The following ST7 variants were observed in gnomAD, a reference collection of about 807,000 sequenced individuals.
ST7 encodes the protein suppression of tumorigenicity 7.
In ST7, 28 loss-of-function variants were observed where a neutral mutation model predicts 78.7. That is an observed-to-expected ratio of 0.36 (90% confidence interval 0.26 to 0.49). The LOEUF (loss-of-function observed/expected upper bound fraction) is 0.49. ST7 is among the 20% of genes least tolerant of loss of function. The pLI is 0.99. For synonymous variants in ST7, 247 were observed against 249.6 expected, an observed-to-expected ratio of 0.99 and a Z score of 0.10; for missense variants, 418 against 696.0, an observed-to-expected ratio of 0.60 and a Z score of 4.49.
chr7:117,153,557 A>G (rs983915826), intron 9 of ST7, among the ~76,000 whole-genome samples: 1 of 152,242 alleles, frequency 6.6e-6, no homozygotes, highest in South Asian at 2.1e-4. Flanking sequence ...CATGAAATCC[A>G]TAGCAACAGA....
intron 1 of ST7, among the ~76,000 whole-genome samples, chr7:116,989,457 T>C (rs994392031): frequency 6.6e-6 from 1 of 152,150 alleles, no homozygotes; most frequent in Non-Finnish European, 1.5e-5. Context: ...TGTTACCCCC[T>C]CTCTTTTAAA....
At chr7:117,066,705 G>A (rs536124586) in intron 1 of ST7, among the ~76,000 whole-genome samples, 18 of 147,754 alleles carry the variant, frequency 1.2e-4, no homozygotes, top group African/African-American at 4.5e-4. Flanking sequence ...AGATTGCAGT[G>A]AGCCGGGATC....
At chr7:117,167,550 C>G (rs1242108450) in intron 9 of ST7, among the ~76,000 whole-genome samples, 1 of 151,934 alleles carries the variant, frequency 6.6e-6, no homozygotes, top group Admixed American at 6.6e-5. Flanking sequence ...GTAAAACTGT[C>G]AGGAAGACAG....
chr7:117,190,727 T>C lies in ST7; in HGVS notation c.1152-107T>C, dbSNP rs1353393286. On this transcript the variant is annotated intron_variant, in intron 11 of 15. Transcript: ENST00000323984. This position sits in a 1 kb window ranked among gnomAD's most constrained non-coding sequence, Gnocchi z 5.2. ...ATGCAGTAGAAGTTTGGAGAGCTCA[T>C]GCTATTGGCTCACTGTGGTTTTATG... is the stretch of plus-strand genomic sequence containing the variant. 1.2e-6 allele frequency: 1 copy of C among 823,558 alleles called. No individual in the cohort carries two copies. Among genetic ancestry groups the C allele is most frequent in the African/African-American group, 1.7e-5 (1 of 59,252 alleles). 51.0% of individuals were successfully genotyped at this position (823,558 alleles called of 1,614,324 possible).
intron 9 of ST7, among the ~76,000 whole-genome samples, chr7:117,161,299 CTT>C (rs940432263): frequency 9.9e-5 from 15 of 151,878 alleles, no homozygotes; most frequent in Non-Finnish European, 1.8e-4. Flanking sequence ...GAGGAAGAAA[CTT>C]TTAAAATATA....
intron 1 of ST7, among the ~76,000 whole-genome samples, chr7:117,030,600 T>C (rs1796425978): frequency 1.3e-5 from 2 of 152,190 alleles, no homozygotes; most frequent in South Asian, 4.1e-4. Flanking sequence ...TCAATATCAC[T>C]AATCATTAGA....
intron 1 of ST7, among the ~76,000 whole-genome samples, chr7:117,053,355 C>T (rs1484729187): frequency 5.9e-5 from 9 of 152,198 alleles, no homozygotes; most frequent in South Asian, 2.1e-4. Flanking sequence ...TCGATGCTCT[C>T]GAAGGTGCCA....
chr7:117,215,347 C>T lies in ST7; in HGVS notation c.1406-3737C>T, dbSNP rs149981478. Reference sequence around the variant, plus strand: ...ATTTGGTGATAATTTCCTGTTCTATCACTTGCATTTCTAATTATTAACAAA... The same window carrying T: ...ATTTGGTGATAATTTCCTGTTCTATTACTTGCATTTCTAATTATTAACAAA... On this transcript the variant is annotated intron_variant, in intron 13 of 15. Coordinates refer to ENST00000323984, the MANE Select transcript of ST7 (RefSeq NM_001369598.1). 9.9e-5 allele frequency among the ~76,000 whole-genome samples: 15 copies of T among 152,224 alleles called. No individual in the cohort carries two copies. The East Asian group carries it at 2.7e-3, about 27-fold the overall frequency.
chr7:117,097,908 A>ATATATTTTT lies in ST7; in HGVS notation c.152-1853_152-1852insATATTTTTT. 1.3e-3 allele frequency among the ~76,000 whole-genome samples: 40 copies of ATATATTTTT among 30,004 alleles called. 2 individuals carry two copies. The highest frequency in any genetic ancestry group is 6.2e-3 in the African/African-American group (39 of 6,258). 19.7% of individuals were successfully genotyped at this position (30,004 alleles called of 152,430 possible). ...TATATATATATATATATATATATAT[A>ATATATTTTT]TTTTTTTTTTTTTTTTTTTTGATGG... On this transcript the variant is annotated intron_variant, in intron 1 of 15. Coordinates refer to ENST00000323984, the MANE Select transcript of ST7 (RefSeq NM_001369598.1).
At chr7:117,082,406 A>C (rs944229022) in intron 1 of ST7, among the ~76,000 whole-genome samples, 1 of 152,336 alleles carries the variant, frequency 6.6e-6, no homozygotes, top group Middle Eastern at 3.4e-3. Context: ...TGCATGTTAC[A>C]AAAAGTAAAT....
chr7:117,073,442 C>T (rs1799119430), intron 1 of ST7, among the ~76,000 whole-genome samples: 1 of 152,094 alleles, frequency 6.6e-6, no homozygotes, highest in Non-Finnish European at 1.5e-5. Context: ...ACTTTGTTTG[C>T]CTTTTGTTTT....
At chr7:117,101,533 C>T (rs929569464) in intron 2 of ST7, among the ~76,000 whole-genome samples, 8 of 152,202 alleles carry the variant, frequency 5.3e-5, no homozygotes, top group African/African-American at 1.9e-4. Context: ...GAGCAACCAA[C>T]CAACTTCATT....
At chr7:117,013,545 T>C (rs924969087) in intron 1 of ST7, among the ~76,000 whole-genome samples, 3 of 152,180 alleles carry the variant, frequency 2.0e-5, no homozygotes, top group Non-Finnish European at 2.9e-5. Flanking sequence ...TTATTGGAGA[T>C]GGCTGGGCGA....
At chr7:117,123,213 A>G (rs1245554943) in intron 3 of ST7, among the ~76,000 whole-genome samples, 1 of 152,192 alleles carries the variant, frequency 6.6e-6, no homozygotes. Flanking sequence ...AAGGGGAAAT[A>G]TCAGTTATAA....
intron 1 of ST7, among the ~76,000 whole-genome samples, chr7:116,994,159 C>T (rs1013742327): frequency 2.0e-5 from 3 of 152,200 alleles, no homozygotes; most frequent in African/African-American, 7.2e-5. Flanking sequence ...ACCAACTCCT[C>T]CTTCCACCTT....
chr7:117,169,921 G>T (rs117091155), intron 9 of ST7, among the ~76,000 whole-genome samples: 1 of 149,518 alleles, frequency 6.7e-6, no homozygotes, highest in Non-Finnish European at 1.5e-5. Flanking sequence ...GAAGATGATC[G>T]TGGCCCCTGT....
At chr7:117,087,371 A>G (rs1379577108) in intron 1 of ST7, among the ~76,000 whole-genome samples, 1 of 152,222 alleles carries the variant, frequency 6.6e-6, no homozygotes, top group African/African-American at 2.4e-5. Context: ...TGTAGTGGTC[A>G]GTTTCAAAAT....
intron 1 of ST7, among the ~76,000 whole-genome samples, chr7:117,037,999 A>G (rs1796989451): frequency 6.6e-6 from 1 of 152,210 alleles, no homozygotes; most frequent in Non-Finnish European, 1.5e-5. Context: ...CCTTAACTGA[A>G]AAAAAATCTG....
At chr7:117,007,676 A>G (rs1313453966) in intron 1 of ST7, among the ~76,000 whole-genome samples, 1 of 152,198 alleles carries the variant, frequency 6.6e-6, no homozygotes, top group East Asian at 1.9e-4. Context: ...AGAGAAGTCA[A>G]TGCCTGGCTT....
Sources: gnomAD v4.1 joint callset for allele counts (sites outside exome capture counted in the v4.1 genomes callset) on GRCh38, gnomAD v4.1.1 for gene constraint, Gnocchi (gnomAD v3.1) non-coding constraint, MANE v1.5 for transcripts, NCBI Gene and HGNC (gene_info 2026-07-23, HGNC 2026-07-21) for gene names.